Variants in DDHD2 observed in about 807,000 individuals in gnomAD.
DDHD2 encodes triacylglycerol hydrolase DDHD2.
In DDHD2, 62 loss-of-function variants were observed where a neutral mutation model predicts 91.2. That is an observed-to-expected ratio of 0.68 (90% CI 0.55 to 0.84). The LOEUF (loss-of-function observed/expected upper bound fraction) is 0.84, where lower values mean the gene tolerates loss of function less well. Ranked by LOEUF, DDHD2 falls within the 40% of genes least tolerant of loss-of-function variation. The pLI, the probability that DDHD2 is intolerant of heterozygous loss-of-function variation, is 0.00. For synonymous variants in DDHD2, 271 were observed against 293.9 expected, an observed-to-expected ratio of 0.92 and a Z score of 0.80; for missense variants, 740 against 846.9, an observed-to-expected ratio of 0.87 and a Z score of 1.57.
intron 10 of DDHD2, among the ~76,000 whole-genome samples, chr8:38,249,002 C>T (rs1479984852): frequency 2.6e-5 from 4 of 151,810 alleles, no homozygotes; most frequent in Non-Finnish European, 5.9e-5. Context: ...TAGTCTGTTC[C>T]ATACTTGTGT....
In DDHD2 at chr8:38,260,798, T is replaced by TG. The variant is rs1210972977; in HGVS notation, c.*226dup. On this transcript the variant is annotated 3_prime_UTR_variant, in exon 18 of 18. Transcript: ENST00000397166. ...TAACCACTGGCTTCATATAAACACT[T>TG]GCCATTTTTTTCTGCATAGCTGGGG... 2 of 152,674 alleles carry TG rather than the reference T, an allele frequency of 1.3e-5. No homozygotes were observed. Among genetic ancestry groups the TG allele is most frequent in the Non-Finnish European group, 2.9e-5 (2 of 68,082 alleles). The allele number at this position is 152,674 out of a possible 1,614,324, so 9.5% of individuals were successfully genotyped here.
At chr8:38,259,314 C>T (rs186767233) in intron 16 of DDHD2, among the ~76,000 whole-genome samples, 3 of 151,190 alleles carry the variant, frequency 2.0e-5, no homozygotes, top group African/African-American at 7.3e-5. Context: ...TTTGCCTCCT[C>T]GGTTCAAGCG....
At chr8:38,251,210 C>G (rs989335315) in intron 11 of DDHD2, 3 of 152,176 alleles carry the variant, frequency 2.0e-5, no homozygotes, top group African/African-American at 7.2e-5. Context: ...CCACACCCAG[C>G]TAATTTTTGT....
chr8:38,239,709 TAA>T (rs768307999), intron 5 of DDHD2, among the ~76,000 whole-genome samples: 7 of 112,444 alleles, frequency 6.2e-5, no homozygotes, highest in African/African-American at 9.7e-5. Flanking sequence ...AACCATAATT[TAA>T]AAAAAAAAAA....
chr8:38,253,533 T>A, intron 15 of DDHD2, 23 bp from the exon 16 acceptor site: 5 of 1,602,680 alleles, frequency 3.1e-6, no homozygotes, highest in Non-Finnish European at 4.3e-6. Flanking sequence ...TTTAGATTCT[T>A]ATTATGGTTC....
rs36055483 is a variant in DDHD2, at chr8:38,235,873, GCACACA to G, written c.411+1312_411+1317del. Among the ~76,000 whole-genome samples, 224 of 147,780 alleles carry G rather than the reference GCACACA, an allele frequency of 1.5e-3. No homozygotes were observed. In the East Asian group the frequency reaches 0.021, roughly 14 times the overall value. On this transcript the variant is annotated intron_variant, in intron 3 of 17. Coordinates refer to ENST00000397166, the MANE Select transcript of DDHD2 (RefSeq NM_015214.3). ...CACCACTACAAAAAAAAGTACACGCGCACACACACACACACACACACACACACAAAT... is the reference window on the plus strand; with the variant it reads ...CACCACTACAAAAAAAAGTACACGCGCACACACACACACACACACACAAAT...
chr8:38,262,236 C>G lies in DDHD2; in HGVS notation c.*1663C>G, dbSNP rs1213403697. On this transcript the variant is annotated 3_prime_UTR_variant, in exon 18 of 18. Coordinates refer to ENST00000397166, the MANE Select transcript of DDHD2 (RefSeq NM_015214.3). ...GTATTCACTGTATATTAAGGGGAAG[C>G]TTTTGCCAAGTTGTGGTCTTCAAAT... is the stretch of plus-strand genomic sequence containing the variant. 1 of 152,122 alleles carries G rather than the reference C, an allele frequency of 6.6e-6. No individual in the cohort carries two copies. Among genetic ancestry groups the G allele is most frequent in the Non-Finnish European group, 1.5e-5 (1 of 68,014 alleles). 9.4% of individuals were successfully genotyped at this position (152,122 alleles called of 1,614,324 possible). A position where few individuals can be genotyped will look rare whatever the true frequency, so the allele number is the denominator to read the frequency against.
chr8:38,263,911 G>A (rs978681494), downstream of DDHD2: 3 of 985,140 alleles, frequency 3.0e-6, no homozygotes, highest in African/African-American at 5.2e-5. Context: ...TTCATAAGGT[G>A]TTGGACACCT....
At chr8:38,234,814 C>T (rs1210945544) in intron 3 of DDHD2, among the ~76,000 whole-genome samples, 1 of 149,322 alleles carries the variant, frequency 6.7e-6, no homozygotes, top group Non-Finnish European at 1.5e-5. Flanking sequence ...GTTGCCCAGG[C>T]TGGAGTGCAG....
At chr8:38,248,078 A>G (rs925949810) in intron 10 of DDHD2, among the ~76,000 whole-genome samples, 3 of 152,246 alleles carry the variant, frequency 2.0e-5, no homozygotes, top group East Asian at 1.9e-4. Context: ...CGGCTCATAG[A>G]AAACATGAGT....
chr8:38,268,519 T>G (rs1237331510), intron 1 of DDHD2: 1 of 1,541,962 alleles, frequency 6.5e-7, no homozygotes, highest in Non-Finnish European at 8.7e-7. Context: ...CTCGTGCTCC[T>G]ACAGGAAAGA....
At chr8:38,241,065 CA>C (rs1176378276) in intron 6 of DDHD2, among the ~76,000 whole-genome samples, 1,692 of 50,558 alleles carry the variant, frequency 0.033, 24 homozygotes, top group East Asian at 0.087. Flanking sequence ...AGTGAGACCT[CA>C]AAAAAAAAAA....
intron 1 of DDHD2, chr8:38,269,278 C>T: frequency 7.6e-7 from 1 of 1,313,584 alleles, no homozygotes; most frequent in Non-Finnish European, 9.8e-7. Context: ...TGGGCACCGC[C>T]CCCTCTCCCA....
chr8:38,265,865 A>T (rs1163169035), downstream of DDHD2, among the ~76,000 whole-genome samples: 1 of 152,260 alleles, frequency 6.6e-6, no homozygotes, highest in African/African-American at 2.4e-5. Flanking sequence ...TTAAGAGAGT[A>T]AATTGAACTT....
At chr8:38,249,635 C>T (rs1585742402) in intron 10 of DDHD2, 73 bp from the exon 11 acceptor site, 1 of 1,030,730 alleles carries the variant, frequency 9.7e-7, no homozygotes, top group East Asian at 2.5e-5. Context: ...GTGCCTAGGC[C>T]TTGTTCCTCT....
intron 16 of DDHD2, among the ~76,000 whole-genome samples, chr8:38,256,420 A>G (rs1585763302): frequency 6.6e-6 from 1 of 152,154 alleles, no homozygotes; most frequent in East Asian, 1.9e-4. Flanking sequence ...TCTTAGGCTC[A>G]AGGGATCCTC....
chr8:38,264,696 A>G (rs1807309992), downstream of DDHD2: 10 of 1,433,018 alleles, frequency 7.0e-6, no homozygotes, highest in South Asian at 1.5e-4. Flanking sequence ...CCTCCAGGAT[A>G]CTCTACTGTG....
At chr8:38,240,761 G>A (rs993105718) in intron 6 of DDHD2, among the ~76,000 whole-genome samples, 7 of 152,148 alleles carry the variant, frequency 4.6e-5, no homozygotes, top group Non-Finnish European at 1.0e-4. Context: ...TAAGTCATTA[G>A]TATAACTAGA....
At chr8:38,270,900 A>G (rs1808446430) in intron 1 of DDHD2, 1 of 152,232 alleles carries the variant, frequency 6.6e-6, no homozygotes, top group Non-Finnish European at 1.5e-5. Context: ...TCACTTATGC[A>G]ATGGACTGAC....
Sources: allele counts gnomAD v4.1 joint callset (sites outside exome capture counted in the v4.1 genomes callset), GRCh38; gene constraint gnomAD v4.1.1; transcripts MANE v1.5; gene names NCBI Gene and HGNC (gene_info 2026-07-23, HGNC 2026-07-21).